USP31: variants seen among roughly 807,000 people sequenced by gnomAD.
The protein encoded by USP31 is ubiquitin specific peptidase 31.
A neutral mutation model predicts 119.4 loss-of-function variants in USP31; 44 were observed. The ratio of observed to expected loss-of-function variants is 0.37; its 90% confidence interval spans 0.29 to 0.47. USP31 has a LOEUF of 0.47. Ranked by LOEUF, USP31 falls within the 20% of genes least tolerant of loss-of-function variation. The probability of loss-of-function intolerance (pLI) is 0.99; values close to 1 mark genes in which losing one functional copy is unlikely to be tolerated. For missense variants in USP31, 1,643 were observed against 1,730.2 expected, an observed-to-expected ratio of 0.95 and a Z score of 0.89; for synonymous variants, 749 against 705.6, an observed-to-expected ratio of 1.06 and a Z score of -0.97.
At chr16:23,130,434 T>C (rs1486344969) in intron 1 of USP31, among the ~76,000 whole-genome samples, 1 of 151,268 alleles carries the variant, frequency 6.6e-6, no homozygotes, top group Non-Finnish European at 1.5e-5. Context: ...TAATATTTTT[T>C]AATATAATAA....
At position 23,087,806 on chromosome 16, in the gene USP31, T is replaced by C; in HGVS notation, c.1445A>G (p.Glu482Gly). ...CAGAAGGTCCCAAGCTATTGTCTTC[T>C]CTAAGTGCAGCACAAAAGGCAGTCC... ...RFGLPFVLHL[E>G]KTIAWDLLQK... is the part of the protein sequence containing the mutation. Residue 482 changes from glutamate to glycine, a missense_variant, in exon 8 of 16, where the codon GAG becomes GGG. Around this residue, in one of 5 missense-constraint regions of USP31, gnomAD observed 219 missense variants for 226.4 expected, o/e 0.97. Transcript: ENST00000219689. 7 of 1,613,934 alleles carry C rather than the reference T, an allele frequency of 4.3e-6. No individual in the cohort carries two copies. The highest frequency in any genetic ancestry group is 5.9e-6 in the Non-Finnish European group (7 of 1,180,020).
chr16:23,137,428 TGAAAACAAGAACTCAAACAGATTCAA>T (rs1903226650), intron 1 of USP31, among the ~76,000 whole-genome samples: 1 of 152,056 alleles, frequency 6.6e-6, no homozygotes. Context: ...CTGAAAAAAG[TGAAAACAAGAACTCAAACAGATTCAA>T]GAAAACAAGA....
intron 4 of USP31, 65 bp from the exon 5 acceptor site, chr16:23,105,641 A>T (rs1456647237): frequency 1.0e-5 from 15 of 1,438,654 alleles, no homozygotes; most frequent in Non-Finnish European, 1.3e-5. Context: ...AGAAGATGCA[A>T]AATAAACCTG....
intron 1 of USP31, among the ~76,000 whole-genome samples, chr16:23,140,590 T>C (rs1338855595): frequency 6.6e-6 from 1 of 152,222 alleles, no homozygotes; most frequent in African/African-American, 2.4e-5. Flanking sequence ...ATCAATGTTT[T>C]ATTTATCTTC....
At chr16:23,083,900 T>C (rs1011640308) in intron 11 of USP31, among the ~76,000 whole-genome samples, 1 of 152,154 alleles carries the variant, frequency 6.6e-6, no homozygotes, top group Non-Finnish European at 1.5e-5. Flanking sequence ...CTGTTGGCTA[T>C]AGTAACCAGT....
chr16:23,072,014 C>T, intron 15 of USP31, 31 bp downstream of exon 15: 1 of 1,592,852 alleles, frequency 6.3e-7, no homozygotes, highest in Non-Finnish European at 8.6e-7. Flanking sequence ...AGTTACCATT[C>T]TGGAAATTTG....
In USP31 at chr16:23,082,451, T is replaced by C. The variant is rs1235261613; in HGVS notation, c.1937A>G (p.Lys646Arg). The change falls in exon 12 of 16, where the codon AAG (lysine) becomes AGG (arginine). Residue 646 changes from lysine (K) to arginine (R), a missense_variant. By Grantham distance (26) the Lys-to-Arg change is conservative (BLOSUM62 2). Around this residue, in one of 5 missense-constraint regions of USP31, gnomAD observed 279 missense variants for 372.2 expected, o/e 0.75. Coordinates refer to ENST00000219689, the MANE Select transcript of USP31 (RefSeq NM_020718.4). ...GGATTTCCATACCTGCCGAAATCTCTTTAGATGTATAATAAGCACATCAGG... is the reference window on the plus strand; with the variant it reads ...GGATTTCCATACCTGCCGAAATCTCCTTAGATGTATAATAAGCACATCAGG... ...TLPDVLIIHL[K>R]RFRQEGDRRM... The C allele has an allele frequency of 9.3e-6, 15 of 1,614,188 alleles. No homozygotes were observed. Among genetic ancestry groups the C allele is most frequent in the Non-Finnish European group, 1.2e-5 (14 of 1,180,010 alleles).
At chr16:23,069,806 T>C (rs1900272663) in intron 15 of USP31, among the ~76,000 whole-genome samples, 190 bp from the exon 16 acceptor site, 1 of 152,184 alleles carries the variant, frequency 6.6e-6, no homozygotes, top group Admixed American at 6.5e-5. Flanking sequence ...TCCTTATGTA[T>C]AAAATAGGGA....
rs147658208 is a variant in USP31, at chr16:23,109,194, G to T, written c.634-1011C>A. Among the ~76,000 whole-genome samples the T allele has an allele frequency of 1.6e-4, 25 of 152,270 alleles. No homozygotes were observed. In the East Asian group the frequency reaches 4.6e-3, roughly 28 times the overall value. On this transcript the variant is annotated intron_variant, in intron 1 of 15. Transcript: ENST00000219689. ...ACATCCATATATCTGTACACTGAAA[G>T]GCGAAGAAGTAGTGACACCCCAGTA...
intron 6 of USP31, among the ~76,000 whole-genome samples, chr16:23,095,565 A>C (rs1424875823): frequency 1.3e-5 from 2 of 152,234 alleles, no homozygotes; most frequent in African/African-American, 2.4e-5. Flanking sequence ...CCAAGGTTGA[A>C]ATGAAGGAAA....
intron 2 of USP31, 64 bp from the exon 3 acceptor site, chr16:23,106,551 C>A: frequency 6.9e-7 from 1 of 1,459,776 alleles, no homozygotes; most frequent in South Asian, 1.3e-5. Flanking sequence ...GAAGATGAAG[C>A]TAGAGAATCA....
At chr16:23,077,322 G>A (rs1246108480) in intron 13 of USP31, among the ~76,000 whole-genome samples, 1 of 151,892 alleles carries the variant, frequency 6.6e-6, no homozygotes, top group Admixed American at 6.6e-5. Context: ...AAATGAGTTT[G>A]AAAAAAAGAA....
In USP31 at chr16:23,084,891, T is replaced by C. The variant is rs1312031830; in HGVS notation, c.1799A>G (p.Gln600Arg). The change falls in exon 11 of 16, where the codon CAG becomes CGG. Residue 600 changes from glutamine (Q) to arginine (R), a missense_variant. Physicochemically the swap from Gln to Arg is conservative, Grantham distance 43. Around this residue, in one of 5 missense-constraint regions of USP31, gnomAD observed 279 missense variants for 372.2 expected, o/e 0.75. Coordinates refer to ENST00000219689, the MANE Select transcript of USP31 (RefSeq NM_020718.4). ...CTCTTTGGTGTACAGTTGGAAACAC[T>C]GGGATAAAGTGCAGGTTTGAGGCTG... Reference protein sequence around the residue: ...HHQPQTCTLSQCFQLYTKEER... With the variant: ...HHQPQTCTLSRCFQLYTKEER... 6.2e-7 allele frequency: 1 copy of C among 1,614,088 alleles called. No homozygotes were observed. Among genetic ancestry groups the C allele is most frequent in the East Asian group, 2.2e-5 (1 of 44,880 alleles).
chr16:23,120,941 A>C (rs1036438061), intron 1 of USP31, among the ~76,000 whole-genome samples: 4 of 152,094 alleles, frequency 2.6e-5, no homozygotes, highest in African/African-American at 7.3e-5. Context: ...ATATACACAC[A>C]CAAGAGGCAA....
At chr16:23,135,057 A>C (rs1903147414) in intron 1 of USP31, among the ~76,000 whole-genome samples, 1 of 152,054 alleles carries the variant, frequency 6.6e-6, no homozygotes, top group South Asian at 2.1e-4. Context: ...TTAACAAAAT[A>C]ATGAGAAAAA....
chr16:23,124,994 A>T (rs1263786998), intron 1 of USP31, among the ~76,000 whole-genome samples: 2 of 152,202 alleles, frequency 1.3e-5, no homozygotes, highest in Non-Finnish European at 2.9e-5. Context: ...GTAGAGGTGG[A>T]ACGTACTTCT....
At chr16:23,134,072 G>GTC (rs760529003) in intron 1 of USP31, among the ~76,000 whole-genome samples, 6,512 of 140,104 alleles carry the variant, frequency 0.046, 150 homozygotes, top group Admixed American at 0.06. Flanking sequence ...GTGAGACCCT[G>GTC]TCTCTCTCTC....
intron 1 of USP31, among the ~76,000 whole-genome samples, chr16:23,109,999 G>A (rs1034602816): frequency 6.6e-6 from 1 of 152,056 alleles, no homozygotes; most frequent in East Asian, 1.9e-4. Flanking sequence ...CAGAAAAAAC[G>A]CACAAGAGAC....
intron 1 of USP31, among the ~76,000 whole-genome samples, chr16:23,134,674 T>C (rs1472083475): frequency 3.5e-5 from 3 of 86,866 alleles, no homozygotes; most frequent in Admixed American, 1.2e-4. Context: ...GAAACAAAGC[T>C]AAAAAAAAAA....
Sources: gnomAD v4.1 joint callset for allele counts (sites outside exome capture counted in the v4.1 genomes callset) on GRCh38, gnomAD v4.1.1 for gene constraint, gnomAD v4.1.1 regional missense constraint, MANE v1.5 for transcripts, NCBI Gene and HGNC (gene_info 2026-07-23, HGNC 2026-07-21) for gene names.